Variants in ELMOD3 observed in about 807,000 individuals in gnomAD.
ELMOD3 encodes the protein ELMO domain containing 3.
A neutral mutation model predicts 47.4 loss-of-function variants in ELMOD3; 36 were observed. The observed-to-expected ratio is 0.76, with a 90% confidence interval of 0.58 to 1.00. The LOEUF (loss-of-function observed/expected upper bound fraction) is 1.00. ELMOD3 is among the 50% of genes least tolerant of loss of function. The pLI, the probability that ELMOD3 is intolerant of heterozygous loss-of-function variation, is 0.00. For synonymous variants in ELMOD3, 149 were observed against 183.5 expected (o/e 0.81, Z 1.52); for missense variants, 404 against 463.8 (o/e 0.87, Z 1.18).
chr2:85,371,384 C>T, intron 9 of ELMOD3, 56 bp from the exon 10 acceptor site: 1 of 1,609,192 alleles, frequency 6.2e-7, no homozygotes, highest in South Asian at 1.1e-5. Context: ...CTGAGAAGCA[C>T]CCGGTTCTCC....
chr2:85,377,244 G>C (rs1468388841), intron 10 of ELMOD3, 100 bp from the exon 11 acceptor site: 1 of 1,140,014 alleles, frequency 8.8e-7, no homozygotes, highest in African/African-American at 1.6e-5. Context: ...CTCATGCTCC[G>C]CTAGCCTGGG....
intron 4 of ELMOD3, among the ~76,000 whole-genome samples, chr2:85,361,220 A>T (rs1273859572): frequency 6.6e-6 from 1 of 152,280 alleles, no homozygotes; most frequent in South Asian, 2.1e-4. Context: ...TTTGTTTTTC[A>T]TCTGTAGCAG....
At chr2:85,371,898 C>T (rs114998711) in intron 10 of ELMOD3, 12,104 of 244,202 alleles carry the variant, frequency 0.05, 358 homozygotes, top group Non-Finnish European at 0.063. Flanking sequence ...GGGTGGGGTG[C>T]GGTGGCCTGT....
intron 5 of ELMOD3, 32 bp from the exon 6 acceptor site, chr2:85,363,065 A>T: frequency 6.9e-7 from 1 of 1,445,516 alleles, no homozygotes; most frequent in Non-Finnish European, 9.7e-7. Context: ...TGTGGATTCT[A>T]TCCTCAAGCT....
Position 85,390,145 on chromosome 2 carries a change from A to C in ELMOD3, c.823A>C (p.Asn275His). 6.2e-7 allele frequency: 1 copy of C among 1,613,984 alleles called. No homozygotes were observed. The highest frequency in any genetic ancestry group is 1.3e-5 in the African/African-American group (1 of 75,050). Residue 275 changes from asparagine to histidine, a missense_variant, in exon 13 of 14, where the codon AAT (asparagine) becomes CAT (histidine). By Grantham distance (68) the Asn-to-His change is moderately conservative (BLOSUM62 1). Transcript: ENST00000409013. ...CTTGCCTTTTTCCTGCAGAGAGTGT[A>C]ATCGGCAGCAGAAGGTCATCCCCGT... Reference protein sequence around the residue: ...LREECLSRECNRQQKVIPVVN... With the variant: ...LREECLSRECHRQQKVIPVVN...
intron 6 of ELMOD3, among the ~76,000 whole-genome samples, chr2:85,366,615 T>C (rs1052486805): frequency 2.0e-5 from 3 of 152,220 alleles, no homozygotes; most frequent in Non-Finnish European, 4.4e-5. Flanking sequence ...GGGTTACAGA[T>C]GATAAGTAAC....
rs1240918084 is a variant in ELMOD3 at position 85,387,467 on chromosome 2, G to A, written c.739-2284G>A. On this transcript the variant is annotated intron_variant, in intron 11 of 13. Coordinates refer to ENST00000409013, the MANE Select transcript of ELMOD3 (RefSeq NM_001135022.2). ...ACTTGAGGTCAGGACTTCAAAACCA[G>A]CTTGGCCAACATGGTGAAACCCTGT... Among the ~76,000 whole-genome samples the A allele has an allele frequency of 1.3e-5, 2 of 152,026 alleles. 1 individual carries two copies. Among genetic ancestry groups the A allele is most frequent in the East Asian group, 3.9e-4 (2 of 5,186 alleles).
At chr2:85,383,795 T>C (rs1328026793) in intron 11 of ELMOD3, among the ~76,000 whole-genome samples, 2 of 152,166 alleles carry the variant, frequency 1.3e-5, no homozygotes, top group Admixed American at 6.5e-5. Flanking sequence ...CCCTCTGTGG[T>C]TACCAAAATG....
At chr2:85,360,282 A>G (rs1318049396) in intron 4 of ELMOD3, among the ~76,000 whole-genome samples, 5 of 151,174 alleles carry the variant, frequency 3.3e-5, no homozygotes, top group African/African-American at 7.3e-5. Flanking sequence ...AAAAAAAAAA[A>G]AAAAGCCACC....
intron 10 of ELMOD3, among the ~76,000 whole-genome samples, chr2:85,373,709 C>T (rs1214211026): frequency 2.0e-5 from 3 of 151,786 alleles, no homozygotes; most frequent in African/African-American, 4.8e-5. Context: ...CATGGTGGCG[C>T]GTGCCTGTAG....
Position 85,390,346 on chromosome 2 carries a change from G to T in ELMOD3, c.943+81G>T, listed in dbSNP as rs776491693. On this transcript the variant is annotated intron_variant, in intron 13 of 13. Transcript: ENST00000409013. The stretch of plus-strand genomic sequence containing the variant: ...AGAGCCCAAGGTGGTTGCTAGACTG[G>T]TTTTGGCTGCAGTTCTTCCCCATCC... The T allele has an allele frequency of 1.9e-6, 3 of 1,613,962 alleles. No individual in the cohort carries two copies. The African/African-American group carries it at 4.0e-5, about 22-fold the overall frequency.
At chr2:85,374,398 G>A (rs1293223900) in intron 10 of ELMOD3, among the ~76,000 whole-genome samples, 1 of 152,102 alleles carries the variant, frequency 6.6e-6, no homozygotes, top group Non-Finnish European at 1.5e-5. Context: ...CTGGAGTGCA[G>A]TGGCATGATC....
intron 13 of ELMOD3, 97 bp from the exon 14 acceptor site, chr2:85,390,663 T>TG: frequency 6.7e-7 from 1 of 1,499,384 alleles, no homozygotes. Context: ...GGATAGGGGT[T>TG]GGGGGTACTC....
At chr2:85,375,585 A>G (rs1685119208) in intron 10 of ELMOD3, among the ~76,000 whole-genome samples, 1 of 151,416 alleles carries the variant, frequency 6.6e-6, no homozygotes, top group African/African-American at 2.4e-5. Context: ...CTATTTTTTC[A>G]TTTTTTCAAA....
At chr2:85,389,985 C>T (rs1203753777) in intron 12 of ELMOD3, 153 bp from the exon 13 acceptor site, 1 of 1,077,552 alleles carries the variant, frequency 9.3e-7, no homozygotes, top group Admixed American at 1.7e-5. Context: ...CCTTCTCCCA[C>T]CCCTGGCCTT....
At chr2:85,371,751 A>G (rs1047054634) in intron 10 of ELMOD3, 189 bp downstream of exon 10, 8 of 744,144 alleles carry the variant, frequency 1.1e-5, no homozygotes, top group Admixed American at 3.1e-5. Flanking sequence ...TAGCAAGAGT[A>G]GGTCGGGCGT....
rs116774110 is a variant in ELMOD3 at position 85,364,149 on chromosome 2, T to G, written c.199+983T>G. Reference sequence around the variant, plus strand: ...TTTAAAAAAATACTCTTTTTTTTTTTTTTTTGTTAGGGACAGGGCCTTGCT... The same window carrying G: ...TTTAAAAAAATACTCTTTTTTTTTTGTTTTTGTTAGGGACAGGGCCTTGCT... On this transcript the variant is annotated intron_variant, in intron 6 of 13. Coordinates refer to ENST00000409013, the MANE Select transcript of ELMOD3 (RefSeq NM_001135022.2). Among the ~76,000 whole-genome samples the G allele has an allele frequency of 7.6e-3, 1,150 of 152,006 alleles. 4 individuals are homozygous for G. The highest frequency in any genetic ancestry group is 0.023 in the South Asian group (112 of 4,810).
At chr2:85,356,241 C>T (rs982170825) in intron 3 of ELMOD3, 1 of 152,270 alleles carries the variant, frequency 6.6e-6, no homozygotes, top group African/African-American at 2.4e-5. Context: ...GTTAGAACAT[C>T]GTGTTGCATT....
chr2:85,389,950 C>T, intron 12 of ELMOD3, 123 bp downstream of exon 12: 2 of 1,085,816 alleles, frequency 1.8e-6, no homozygotes, highest in Non-Finnish European at 2.8e-6. Context: ...ACAAAGTCCC[C>T]ATGCACCGGT....
Sources: allele counts gnomAD v4.1 joint callset (sites outside exome capture counted in the v4.1 genomes callset), GRCh38; gene constraint gnomAD v4.1.1; transcripts MANE v1.5; gene names NCBI Gene and HGNC (gene_info 2026-07-23, HGNC 2026-07-21).